LHFPL6: variants seen among roughly 807,000 people sequenced by gnomAD.
LHFPL6 encodes LHFPL tetraspan subfamily member 6 protein.
LHFPL6 carries 9 observed loss-of-function variants against 20.6 expected under a neutral mutation model. The ratio of observed to expected loss-of-function variants is 0.44; its 90% CI spans 0.26 to 0.76. The LOEUF is 0.76. Ranked by LOEUF, LHFPL6 falls within the 30% of genes least tolerant of loss-of-function variation. The probability of loss-of-function intolerance (pLI) is 0.20; values close to 1 mark genes in which losing one functional copy is unlikely to be tolerated. For missense variants in LHFPL6, 218 were observed against 253.5 expected (o/e 0.86, Z 0.95); for synonymous variants, 105 against 98.7 (o/e 1.06, Z -0.38).
In LHFPL6 at chr13:39,533,125, A is replaced by G. The variant is rs576211691; in HGVS notation, c.385+67707T>C. Among the ~76,000 whole-genome samples, 31 of 152,344 alleles carry G rather than the reference A, an allele frequency of 2.0e-4. 1 individual carries two copies. The South Asian group carries it at 6.4e-3, about 32-fold the overall frequency. ...GCAACCTTGGACTCTAGACTGCTCT[A>G]AAACTAGTCATTTGTATCTCCAATA... On this transcript the variant is annotated intron_variant, in intron 2 of 3. Transcript: ENST00000379589.
At chr13:39,477,060 C>A (rs1873101453) in intron 2 of LHFPL6, among the ~76,000 whole-genome samples, 1 of 152,168 alleles carries the variant, frequency 6.6e-6, no homozygotes, top group African/African-American at 2.4e-5. Context: ...GTCCTTCACT[C>A]CCTAGCACTC....
chr13:39,437,864 T>C (rs1368532245), intron 2 of LHFPL6, among the ~76,000 whole-genome samples: 1 of 148,454 alleles, frequency 6.7e-6, no homozygotes, highest in Non-Finnish European at 1.5e-5. Flanking sequence ...ATTGCGCCAC[T>C]GCACTCCAGC....
rs552907520 is a variant in LHFPL6 at position 39,491,596 on chromosome 13, T to C, written c.385+109236A>G. On this transcript the variant is annotated intron_variant, in intron 2 of 3. Transcript: ENST00000379589. ...CAAGATTAAATTCAAGGGAAATACCTGGAGTTCACTTGGGAAGCCACAATT... is the reference window on the plus strand; with the variant it reads ...CAAGATTAAATTCAAGGGAAATACCCGGAGTTCACTTGGGAAGCCACAATT... Among the ~76,000 whole-genome samples, 9 of 152,302 alleles carry C rather than the reference T, an allele frequency of 5.9e-5. No individual in the cohort carries two copies. In the South Asian group the frequency reaches 1.7e-3, roughly 28 times the overall value.
intron 2 of LHFPL6, among the ~76,000 whole-genome samples, chr13:39,512,612 A>AAAAAAAAG (rs1432715224): frequency 8.0e-6 from 1 of 125,640 alleles, no homozygotes; most frequent in African/African-American, 3.2e-5. Context: ...AAAAAAAAAA[A>AAAAAAAAG]AAAGAAAAGA....
At position 39,417,816 on chromosome 13, in the gene LHFPL6, C is replaced by A. The variant is rs531699869; in HGVS notation, c.386-39290G>T. Among the ~76,000 whole-genome samples, 3 of 152,248 alleles carry A rather than the reference C, an allele frequency of 2.0e-5. No homozygotes were observed. In the East Asian group the frequency reaches 5.8e-4, roughly 29 times the overall value. On this transcript the variant is annotated intron_variant, in intron 2 of 3. Coordinates refer to ENST00000379589, the MANE Select transcript of LHFPL6 (RefSeq NM_005780.3). ...CTGGGGTGGTGACAAGGAGACCCAGCCCCAGCCATCAAATGGGCCCTGTGT... is the reference window on the plus strand; with the variant it reads ...CTGGGGTGGTGACAAGGAGACCCAGACCCAGCCATCAAATGGGCCCTGTGT...
At chr13:39,351,484 T>C (rs1358062912) in intron 3 of LHFPL6, among the ~76,000 whole-genome samples, 1 of 152,100 alleles carries the variant, frequency 6.6e-6, no homozygotes, top group African/African-American at 2.4e-5. Context: ...AAATGCATTT[T>C]TCTCATTTGT....
At chr13:39,415,286 C>T (rs1313004962) in intron 2 of LHFPL6, among the ~76,000 whole-genome samples, 1 of 152,068 alleles carries the variant, frequency 6.6e-6, no homozygotes, top group African/African-American at 2.4e-5. Context: ...GCATGAATCC[C>T]GTTGGATTTC....
intron 2 of LHFPL6, among the ~76,000 whole-genome samples, chr13:39,575,694 G>A (rs985854565): frequency 3.9e-5 from 6 of 152,126 alleles, no homozygotes; most frequent in South Asian, 2.1e-4. Context: ...TCAAAATTCC[G>A]AAGTGGGAAG....
At chr13:39,596,417 G>T (rs1465097029) in intron 2 of LHFPL6, among the ~76,000 whole-genome samples, 1 of 152,116 alleles carries the variant, frequency 6.6e-6, no homozygotes, top group Non-Finnish European at 1.5e-5. Flanking sequence ...TGAACCAGCA[G>T]CAGCAGCATC....
intron 2 of LHFPL6, among the ~76,000 whole-genome samples, chr13:39,545,245 CA>C (rs35606384): frequency 0.2 from 13,437 of 67,554 alleles, 472 homozygotes; most frequent in East Asian, 0.23. Flanking sequence ...GACTCCGTCT[CA>C]AAAAAAAAAA....
intron 2 of LHFPL6, among the ~76,000 whole-genome samples, chr13:39,571,047 G>T (rs1239798134): frequency 2.0e-5 from 3 of 152,242 alleles, no homozygotes; most frequent in East Asian, 1.9e-4. Flanking sequence ...ATGTAGTTCA[G>T]ATTTTAGGCA....
intron 2 of LHFPL6, among the ~76,000 whole-genome samples, chr13:39,515,650 G>C (rs1280479080): frequency 6.6e-6 from 1 of 152,186 alleles, no homozygotes; most frequent in African/African-American, 2.4e-5. Context: ...CAGCAAAGCA[G>C]CTCCCAGCTA....
intron 3 of LHFPL6, among the ~76,000 whole-genome samples, chr13:39,363,111 G>A (rs1869920594): frequency 6.6e-6 from 1 of 152,208 alleles, no homozygotes; most frequent in African/African-American, 2.4e-5. Flanking sequence ...AGCAAAGCCT[G>A]TCTTCCAAAG....
At chr13:39,580,854 A>C (rs953772509) in intron 2 of LHFPL6, among the ~76,000 whole-genome samples, 1 of 152,262 alleles carries the variant, frequency 6.6e-6, no homozygotes, top group African/African-American at 2.4e-5. Context: ...GATGAACAGC[A>C]GAATTTAACC....
chr13:39,386,173 C>T (rs2138366351), intron 2 of LHFPL6, among the ~76,000 whole-genome samples: 1 of 152,324 alleles, frequency 6.6e-6, no homozygotes, highest in South Asian at 2.1e-4. Flanking sequence ...AAGAGGCTGG[C>T]ATGTTTCCAT....
intron 2 of LHFPL6, among the ~76,000 whole-genome samples, chr13:39,413,466 AG>A (rs66802891): frequency 7.7e-4 from 5 of 6,464 alleles, no homozygotes; most frequent in East Asian, 3.2e-3. Context: ...AATTGGGGGT[AG>A]GGGGGGTGGG....
At chr13:39,448,967 C>T (rs1475698010) in intron 2 of LHFPL6, among the ~76,000 whole-genome samples, 1 of 152,234 alleles carries the variant, frequency 6.6e-6, no homozygotes, top group South Asian at 2.1e-4. Context: ...GTCATCTGAT[C>T]TGGGGAGCTA....
chr13:39,354,492 T>C (rs1276146332), intron 3 of LHFPL6, among the ~76,000 whole-genome samples: 2 of 152,214 alleles, frequency 1.3e-5, no homozygotes, highest in African/African-American at 2.4e-5. Context: ...AGGGTCTCCT[T>C]ACTTCCAAAT....
chr13:39,471,430 G>A (rs530627255), intron 2 of LHFPL6, among the ~76,000 whole-genome samples: 5 of 152,266 alleles, frequency 3.3e-5, no homozygotes, highest in South Asian at 2.1e-4. Flanking sequence ...CATGATAAGC[G>A]GAGGCCAAGT....
Sources: gnomAD v4.1 joint callset for allele counts (sites outside exome capture counted in the v4.1 genomes callset) on GRCh38, gnomAD v4.1.1 for gene constraint, MANE v1.5 for transcripts, NCBI Gene and HGNC (gene_info 2026-07-23, HGNC 2026-07-21) for gene names.